KIF2C: variants seen among roughly 807,000 people sequenced by gnomAD.
KIF2C encodes the protein kinesin-like protein KIF2C.
KIF2C carries 34 observed loss-of-function variants against 97.4 expected under a neutral mutation model. The observed-to-expected ratio is 0.35, with a 90% CI of 0.27 to 0.46. The LOEUF (loss-of-function observed/expected upper bound fraction) is 0.46, where lower values mean the gene tolerates loss of function less well. KIF2C is among the 20% of genes least tolerant of loss of function. The pLI, the probability that KIF2C is intolerant of heterozygous loss-of-function variation, is 1.00. For missense variants in KIF2C, 750 were observed against 907.6 expected (o/e 0.83, Z 2.23); for synonymous variants, 313 against 318.2 (o/e 0.98, Z 0.17).
intron 17 of KIF2C, 71 bp downstream of exon 17, chr1:44,762,054 G>A: frequency 7.3e-7 from 1 of 1,374,016 alleles, no homozygotes; most frequent in Non-Finnish European, 1.0e-6. Context: ...TGAGAGGGGA[G>A]GAGGCTCTGG....
chr1:44,753,690 A>G (rs1490669300), intron 6 of KIF2C, 43 bp from the exon 7 acceptor site: 12 of 1,406,872 alleles, frequency 8.5e-6, no homozygotes, highest in Non-Finnish European at 1.1e-5. Context: ...CTGGTAACAG[A>G]GTGGGCTTCC....
intron 19 of KIF2C, among the ~76,000 whole-genome samples, chr1:44,762,975 T>C (rs897127479): frequency 3.9e-5 from 6 of 152,166 alleles, no homozygotes; most frequent in African/African-American, 1.4e-4. Context: ...TGGTGAATGT[T>C]GCAACTCTTG....
At chr1:44,753,709 T>TC in intron 6 of KIF2C, 24 bp from the exon 7 acceptor site, 3 of 1,511,034 alleles carry the variant, frequency 2.0e-6, no homozygotes, top group Non-Finnish European at 2.7e-6. Flanking sequence ...CCTTTTTTTT[T>TC]CTTTTTTTTT....
At chr1:44,740,823 G>A (rs3795712) in intron 1 of KIF2C, 90 bp from the exon 2 acceptor site, 88,337 of 489,530 alleles carry the variant, frequency 0.18, 9,217 homozygotes, top group Non-Finnish European at 0.2. Context: ...GTTCCTTCAG[G>A]TTAACTCCAC....
intron 19 of KIF2C, among the ~76,000 whole-genome samples, chr1:44,762,908 C>T (rs12746270): frequency 0.26 from 39,215 of 152,090 alleles, 6,412 homozygotes; most frequent in African/African-American, 0.46. Context: ...CTCTCCTCCA[C>T]GCTCCTGATA....
At chr1:44,758,959 G>A (rs966683950) in intron 13 of KIF2C, 12 of 507,898 alleles carry the variant, frequency 2.4e-5, no homozygotes, top group South Asian at 4.3e-5. Flanking sequence ...GAGATGCAAG[G>A]CTAGAGTGGT....
At chr1:44,745,490 T>TTTTTTTTG (rs1649142968) in intron 2 of KIF2C, among the ~76,000 whole-genome samples, 2 of 142,430 alleles carry the variant, frequency 1.4e-5, no homozygotes, top group Non-Finnish European at 3.0e-5. Context: ...TTTTTTTTTT[T>TTTTTTTTG]GAGACAGTGT....
chr1:44,740,961 GT>G lies in KIF2C; in HGVS notation c.120del (p.Cys40TrpfsTer25). ...NVRTVNLEKS[C>X]VSVEWAEGGA... Reference sequence around the variant, plus strand: ...AGGACTGTGAACTTGGAGAAATCCTGTGTTTCAGTGGAATGGGCAGAAGGAG... The same window carrying G: ...AGGACTGTGAACTTGGAGAAATCCTGGTTTCAGTGGAATGGGCAGAAGGAG... On this transcript the variant is annotated frameshift_variant, in exon 2 of 21. Transcript: ENST00000372224. LOFTEE classifies it high-confidence loss of function. 6.2e-7 allele frequency: 1 copy of G among 1,613,842 alleles called. No homozygotes were observed. Among genetic ancestry groups the G allele is most frequent in the Non-Finnish European group, 8.5e-7 (1 of 1,179,834 alleles).
Position 44,747,642 on chromosome 1 carries a change from TG to T in KIF2C, c.268-9del. ...AGCCATATATTGTGACAATTTGATT[TG>T]TTTTTCAGAAACAAAAACGGAGATC... On this transcript the variant is annotated splice_polypyrimidine_tract_variant and intron_variant, in intron 3 of 20. Transcript: ENST00000372224. The T allele has an allele frequency of 6.2e-7, 1 of 1,613,708 alleles. No individual in the cohort carries two copies. Among genetic ancestry groups the T allele is most frequent in the East Asian group, 2.2e-5 (1 of 44,882 alleles).
At chr1:44,741,306 T>C (rs1001859337) in intron 2 of KIF2C, among the ~76,000 whole-genome samples, 1 of 147,440 alleles carries the variant, frequency 6.8e-6, no homozygotes, top group Non-Finnish European at 1.5e-5. Flanking sequence ...TGCTTGAACC[T>C]GGGAGGCGGA....
intron 11 of KIF2C, 120 bp from the exon 12 acceptor site, chr1:44,757,788 G>A: frequency 8.5e-7 from 1 of 1,176,424 alleles, no homozygotes; most frequent in Non-Finnish European, 1.3e-6. Context: ...TCAGATGCAG[G>A]GAGGGGCTTT....
chr1:44,742,355 T>C (rs59803338), intron 2 of KIF2C, among the ~76,000 whole-genome samples: 9 of 151,808 alleles, frequency 5.9e-5, no homozygotes, highest in South Asian at 2.1e-4. Context: ...GTGATCCGCC[T>C]GCCTCTGCCT....
chr1:44,762,509 G>A (rs1237904884), intron 18 of KIF2C, 36 bp from the exon 19 acceptor site: 3 of 1,609,058 alleles, frequency 1.9e-6, no homozygotes, highest in Admixed American at 3.3e-5. Context: ...GGCGGCACCT[G>A]GGTCACATAA....
chr1:44,753,200 GA>G lies in KIF2C; in HGVS notation c.510del (p.Glu171SerfsTer15), dbSNP rs1649621218. 1 of 1,613,904 alleles carries G rather than the reference GA, an allele frequency of 6.2e-7. No individual in the cohort carries two copies. Among genetic ancestry groups the G allele is most frequent in the African/African-American group, 1.3e-5 (1 of 74,922 alleles). On this transcript the variant is annotated frameshift_variant, in exon 6 of 21. Transcript: ENST00000372224. LOFTEE classifies it high-confidence loss of function. Reference protein sequence around the residue: ...IPLRMVSEEMEEQVHSIRGSS... With the variant: ...IPLRMVSEEMXEQVHSIRGSS... ...ATTGAGGATGGTCAGCGAGGAGATG[GA>G]AGAGCAAGTCCATTCCATCCGAGGC...
At chr1:44,766,399 G>T (rs922029276) in intron 19 of KIF2C, among the ~76,000 whole-genome samples, 75 of 152,048 alleles carry the variant, frequency 4.9e-4, no homozygotes, top group Non-Finnish European at 1.5e-4. Context: ...ATCACCTGAG[G>T]TCGAGAGTTC....
intron 2 of KIF2C, among the ~76,000 whole-genome samples, chr1:44,741,996 CAAAA>C (rs397980058): frequency 3.0e-5 from 2 of 67,744 alleles, no homozygotes; most frequent in African/African-American, 1.3e-4. Context: ...GGACTTGTCT[CAAAA>C]AAAAAAAAAA....
intron 19 of KIF2C, among the ~76,000 whole-genome samples, chr1:44,764,872 C>A (rs949747497): frequency 6.6e-6 from 1 of 152,156 alleles, no homozygotes; most frequent in Non-Finnish European, 1.5e-5. Flanking sequence ...GTAATCCTGT[C>A]ACTTTGGGAG....
rs928683142 is a variant in KIF2C at position 44,748,707 on chromosome 1, A to ATTTTTT, written c.316+1022_316+1027dup. Among the ~76,000 whole-genome samples, 7 of 123,120 alleles carry ATTTTTT rather than the reference A, an allele frequency of 5.7e-5. No individual in the cohort carries two copies. The East Asian group carries it at 7.1e-4, about 12-fold the overall frequency. 80.8% of individuals were successfully genotyped at this position (123,120 alleles called of 152,430 possible). Reference sequence around the variant, plus strand: ...AGGTGTGCCCCATCACACCTGGCTAATTTTTTTTTTTTTTTTTTTTGTAGA... The same window carrying ATTTTTT: ...AGGTGTGCCCCATCACACCTGGCTAATTTTTTTTTTTTTTTTTTTTTTTTTTGTAGA... On this transcript the variant is annotated intron_variant, in intron 4 of 20. Coordinates refer to ENST00000372224, the MANE Select transcript of KIF2C (RefSeq NM_006845.4).
At chr1:44,756,263 C>T (rs1649825587) in intron 10 of KIF2C, 26 bp downstream of exon 10, 1 of 1,608,474 alleles carries the variant, frequency 6.2e-7, no homozygotes, top group Non-Finnish European at 8.5e-7. Context: ...CCATTTTTCC[C>T]TCCTTGTGCC....
Sources: allele counts gnomAD v4.1 joint callset (sites outside exome capture counted in the v4.1 genomes callset), GRCh38; gene constraint gnomAD v4.1.1; transcripts MANE v1.5; gene names NCBI Gene and HGNC (gene_info 2026-07-23, HGNC 2026-07-21).